The following HOATZ variants were observed in gnomAD, a reference collection of about 807,000 sequenced individuals.
The protein encoded by HOATZ is cilia- and flagella-associated protein HOATZ.
In HOATZ, 26 loss-of-function variants were observed where a neutral mutation model predicts 24.9. The observed-to-expected ratio is 1.04, with a 90% CI of 0.76 to 1.45. The LOEUF (loss-of-function observed/expected upper bound fraction) is 1.45, where lower values mean the gene tolerates loss of function less well. HOATZ is among the 40% of genes most tolerant of loss of function. The probability of loss-of-function intolerance (pLI) is 0.00; values close to 1 mark genes in which losing one functional copy is unlikely to be tolerated. For missense variants in HOATZ, 226 were observed against 201.5 expected (o/e 1.12, Z -0.74); for synonymous variants, 83 against 76.6 (o/e 1.08, Z -0.43).
intron 3 of HOATZ, among the ~76,000 whole-genome samples, chr11:111,521,540 C>G (rs956659168): frequency 4.6e-5 from 7 of 152,040 alleles, no homozygotes; most frequent in African/African-American, 7.2e-5. Context: ...TTTGCTTTCC[C>G]ACCCTAATAT....
intron 3 of HOATZ, chr11:111,518,903 T>A: frequency 2.6e-6 from 1 of 391,868 alleles, no homozygotes; most frequent in South Asian, 2.0e-5. Context: ...TGAATAGATC[T>A]CTTCTCTGTG....
At chr11:111,520,053 A>G (rs1478990009) in intron 3 of HOATZ, among the ~76,000 whole-genome samples, 1 of 152,214 alleles carries the variant, frequency 6.6e-6, no homozygotes, top group Non-Finnish European at 1.5e-5. Context: ...CATGGCAGGA[A>G]ATCAAAAACA....
At chr11:111,531,389 G>A (rs12278187) in intron 3 of HOATZ, among the ~76,000 whole-genome samples, 6,214 of 152,166 alleles carry the variant, frequency 0.041, 424 homozygotes, top group African/African-American at 0.14. Context: ...GATGAGTAAG[G>A]TTCTGAAAGA....
intron 3 of HOATZ, among the ~76,000 whole-genome samples, chr11:111,520,131 C>T (rs1237415627): frequency 6.6e-6 from 1 of 152,164 alleles, no homozygotes; most frequent in Non-Finnish European, 1.5e-5. Flanking sequence ...TACACTGGAC[C>T]ATCATTCCTC....
Position 111,515,551 on chromosome 11 carries a change from C to G in HOATZ, c.267C>G (p.Asn89Lys). 6.2e-7 allele frequency: 1 copy of G among 1,612,334 alleles called. No individual in the cohort carries two copies. The highest frequency in any genetic ancestry group is 2.2e-5 in the East Asian group (1 of 44,864). Reference protein sequence around the residue: ...HSSQSFHLASNKNRDIFAEAL... With the variant: ...HSSQSFHLASKKNRDIFAEAL... ...CGCAGTCTTTTCACCTTGCGAGTAA[C>G]AGTAAGTACCAAGTTTTATGCCTTT... The change falls in exon 2 of 6, where the codon AAC becomes AAG. Residue 89 changes from asparagine to lysine, a missense_variant and splice_region_variant. By Grantham distance (94) the Asn-to-Lys change is moderately conservative. Coordinates refer to ENST00000375618, the MANE Select transcript of HOATZ (RefSeq NM_001100388.2).
At chr11:111,529,889 A>G (rs550303219) in intron 3 of HOATZ, among the ~76,000 whole-genome samples, 1 of 152,134 alleles carries the variant, frequency 6.6e-6, no homozygotes, top group Non-Finnish European at 1.5e-5. Flanking sequence ...TTAATAACAA[A>G]TCATATCTTT....
intron 3 of HOATZ, among the ~76,000 whole-genome samples, chr11:111,532,406 C>T (rs1433868357): frequency 1.3e-5 from 2 of 152,114 alleles, no homozygotes; most frequent in East Asian, 3.8e-4. Flanking sequence ...AAGATGAGGC[C>T]ATAGTGGAGT....
intron 3 of HOATZ, among the ~76,000 whole-genome samples, chr11:111,517,825 A>AC (rs1180422440): frequency 2.0e-5 from 3 of 152,228 alleles, no homozygotes; most frequent in Non-Finnish European, 2.9e-5. Flanking sequence ...GCAATCCCTC[A>AC]CAATGTATTA....
intron 3 of HOATZ, among the ~76,000 whole-genome samples, chr11:111,527,863 C>G (rs966305547): frequency 5.3e-5 from 8 of 152,140 alleles, no homozygotes; most frequent in African/African-American, 1.9e-4. Context: ...AATGATAAAT[C>G]AATAAAAACC....
chr11:111,516,044 T>C lies in HOATZ; in HGVS notation c.273T>C (p.Asn91=), dbSNP rs1164631489. 2 of 1,576,240 alleles carry C rather than the reference T, an allele frequency of 1.3e-6. No individual in the cohort carries two copies. The highest frequency in any genetic ancestry group is 4.5e-5 in the East Asian group (2 of 44,396). ...SQSFHLASNK[N]RDIFAEALKI... is the part of the protein sequence containing the mutation. ...ATTTGACTTTATTCCCTCTAGAAAATAGAGACATCTTTGCCGAAGCCCTAA... is the reference window on the plus strand; with the variant it reads ...ATTTGACTTTATTCCCTCTAGAAAACAGAGACATCTTTGCCGAAGCCCTAA... The change falls in exon 3 of 6, where the codon AAT becomes AAC. Residue 91 remains asparagine, a synonymous_variant. Coordinates refer to ENST00000375618, the MANE Select transcript of HOATZ (RefSeq NM_001100388.2).
At chr11:111,526,024 T>C (rs1867335113) in intron 3 of HOATZ, among the ~76,000 whole-genome samples, 1 of 152,222 alleles carries the variant, frequency 6.6e-6, no homozygotes, top group Admixed American at 6.5e-5. Flanking sequence ...AGGGAGGATT[T>C]CTACAAAGAT....
In HOATZ at chr11:111,536,910, C is replaced by A. The variant is rs1447845632; in HGVS notation, c.*83C>A. 5 of 1,055,660 alleles carry A rather than the reference C, an allele frequency of 4.7e-6. No homozygotes were observed. In the South Asian group the frequency reaches 6.5e-5, roughly 14 times the overall value. 65.4% of individuals were successfully genotyped at this position (1,055,660 alleles called of 1,614,324 possible). A position where few individuals can be genotyped will look rare whatever the true frequency, so the allele number is the denominator to read the frequency against. On this transcript the variant is annotated 3_prime_UTR_variant, in exon 6 of 6. Coordinates refer to ENST00000375618, the MANE Select transcript of HOATZ (RefSeq NM_001100388.2). ...TCTCTTAGATCAGGATCATTGAGAT[C>A]ACTGGCAACATTATAGTAGACAAAG...
chr11:111,521,782 T>C (rs948246848), intron 3 of HOATZ, among the ~76,000 whole-genome samples: 50 of 152,380 alleles, frequency 3.3e-4, no homozygotes, highest in African/African-American at 1.1e-3. Context: ...ATATGTTTTA[T>C]GCTTTTATAT....
At chr11:111,536,208 A>T (rs1048012304) in intron 5 of HOATZ, 4 of 152,312 alleles carry the variant, frequency 2.6e-5, no homozygotes, top group African/African-American at 9.6e-5. Context: ...ATTCAGTGTT[A>T]GCCAATTTAG....
intron 3 of HOATZ, among the ~76,000 whole-genome samples, chr11:111,525,524 G>T (rs1258478693): frequency 6.6e-6 from 1 of 152,198 alleles, no homozygotes. Flanking sequence ...ATGGAGCCAA[G>T]CTGAACTCTA....
intron 3 of HOATZ, among the ~76,000 whole-genome samples, chr11:111,521,600 G>A (rs573755159): frequency 2.6e-4 from 40 of 152,082 alleles, no homozygotes; most frequent in Non-Finnish European, 5.1e-4. Flanking sequence ...AATAGGAAGT[G>A]GTGGATTTCC....
intron 3 of HOATZ, among the ~76,000 whole-genome samples, chr11:111,517,371 G>T (rs1565484840): frequency 6.6e-6 from 1 of 152,136 alleles, no homozygotes; most frequent in African/African-American, 2.4e-5. Flanking sequence ...GAAATAAAAG[G>T]TTAAAGACAA....
chr11:111,536,246 A>C (rs1867449279), intron 5 of HOATZ: 2 of 152,356 alleles, frequency 1.3e-5, no homozygotes, highest in Non-Finnish European at 2.9e-5. Flanking sequence ...CTATACATTA[A>C]TTTATAAACT....
chr11:111,534,382 CT>C, intron 4 of HOATZ, 29 bp from the exon 5 acceptor site: 1 of 1,560,290 alleles, frequency 6.4e-7, no homozygotes, highest in Non-Finnish European at 8.8e-7. Context: ...AAAATTTTAC[CT>C]TTTTGATTTT....
Sources: allele counts gnomAD v4.1 joint callset (sites outside exome capture counted in the v4.1 genomes callset), GRCh38; gene constraint gnomAD v4.1.1; transcripts MANE v1.5; gene names NCBI Gene and HGNC (gene_info 2026-07-23, HGNC 2026-07-21).